Variants in EPCAM observed in about 807,000 individuals in gnomAD.
The protein encoded by EPCAM is epithelial cell adhesion molecule, also known as adenocarcinoma-associated antigen.
In EPCAM, 39 loss-of-function variants were observed where a neutral mutation model predicts 40.0. The ratio of observed to expected loss-of-function variants is 0.98; its 90% CI spans 0.76 to 1.27. EPCAM has a LOEUF of 1.27. Ranked by LOEUF, EPCAM falls within the 50% of genes most tolerant of loss-of-function variation. The pLI is 0.00. For missense variants in EPCAM, 503 were observed against 381.2 expected (o/e 1.32, Z -2.66); for synonymous variants, 168 against 132.3 (o/e 1.27, Z -1.85).
chr2:47,373,205 T>TAAAAAAAAAA (rs777057814), intron 1 of EPCAM, among the ~76,000 whole-genome samples: 2 of 65,048 alleles, frequency 3.1e-5, no homozygotes, highest in Admixed American at 2.0e-4. Context: ...ACCCTATCTT[T>TAAAAAAAAAA]AAAAAAAAAA....
intron 6 of EPCAM, among the ~76,000 whole-genome samples, chr2:47,379,419 T>C (rs1277566474): frequency 2.0e-5 from 3 of 152,134 alleles, no homozygotes; most frequent in African/African-American, 7.2e-5. Context: ...CTTTAATATA[T>C]TATAGTGAGG....
chr2:47,369,762 G>C (rs1469354248), intron 1 of EPCAM, 181 bp downstream of exon 1: 1 of 731,388 alleles, frequency 1.4e-6, no homozygotes, highest in Admixed American at 2.0e-5. Context: ...AGGAAACGGC[G>C]AGGGCCGTCC....
At chr2:47,378,091 T>A (rs948467013) in intron 5 of EPCAM, among the ~76,000 whole-genome samples, 1 of 151,916 alleles carries the variant, frequency 6.6e-6, no homozygotes, top group East Asian at 2.0e-4. Flanking sequence ...AATAGCCGAA[T>A]GTGGTGGTGG....
chr2:47,381,176 C>T (rs1411224370), intron 7 of EPCAM, among the ~76,000 whole-genome samples: 7 of 148,788 alleles, frequency 4.7e-5, no homozygotes, highest in African/African-American at 1.7e-4. Flanking sequence ...GCGGGTGGAT[C>T]ACCCGAGGTC....
chr2:47,385,259 T>A lies in EPCAM; in HGVS notation c.903+49T>A. The A allele has an allele frequency of 1.2e-5, 17 of 1,411,250 alleles. 1 individual carries two copies. The highest frequency in any genetic ancestry group is 1.4e-5 in the Non-Finnish European group (14 of 995,872). The allele number at this position is 1,411,250 out of a possible 1,614,324, so 87.4% of individuals were successfully genotyped here. A position where few individuals can be genotyped will look rare whatever the true frequency, so the allele number is the denominator to read the frequency against. ...AGAAAGGCCCTGTTGAATCTCTTAC[T>A]CCTAATCACTCTACCTTCCTACACA... On this transcript the variant is annotated intron_variant, in intron 8 of 8. Transcript: ENST00000263735.
chr2:47,376,901 T>A (rs1010050937), intron 4 of EPCAM, 113 bp from the exon 5 acceptor site: 1 of 704,670 alleles, frequency 1.4e-6, no homozygotes. Context: ...GGCAGAAAAA[T>A]TTTAACTTTA....
intron 7 of EPCAM, among the ~76,000 whole-genome samples, chr2:47,380,914 C>A (rs1305163675): frequency 1.3e-5 from 2 of 150,786 alleles, no homozygotes; most frequent in South Asian, 2.1e-4. Context: ...CATGGTGAAA[C>A]CCTGTCTCTA....
At chr2:47,375,162 G>T (rs2103749770) in intron 3 of EPCAM, 72 bp from the exon 4 acceptor site, 2 of 1,146,890 alleles carry the variant, frequency 1.7e-6, no homozygotes. Context: ...GAGAATTTTA[G>T]GATTAGCTTA....
At chr2:47,383,916 C>T (rs1187567444) in intron 7 of EPCAM, among the ~76,000 whole-genome samples, 1 of 151,800 alleles carries the variant, frequency 6.6e-6, no homozygotes. Context: ...TGATTATAGG[C>T]GTGAACCACC....
Position 47,373,795 on chromosome 2 carries a change from G to A in EPCAM, c.185-13G>A, listed in dbSNP as rs2103746878. ...AGTTATTTTTCAGTTTGGCATTAAG[G>A]TTTCTTTTTCAGTGGCTGCCAAATG... On this transcript the variant is annotated splice_polypyrimidine_tract_variant and intron_variant, in intron 2 of 8. Transcript: ENST00000263735. The A allele has an allele frequency of 1.9e-6, 3 of 1,613,990 alleles. No individual in the cohort carries two copies. The highest frequency in any genetic ancestry group is 2.5e-6 in the Non-Finnish European group (3 of 1,179,982).
chr2:47,385,402 A>G (rs1392740381), intron 8 of EPCAM, among the ~76,000 whole-genome samples, 192 bp downstream of exon 8: 3 of 152,190 alleles, frequency 2.0e-5, no homozygotes, highest in Non-Finnish European at 4.4e-5. Flanking sequence ...GCAGATCACC[A>G]TCTGTTTTCT....
At chr2:47,377,810 C>G (rs548954367) in intron 5 of EPCAM, 3 of 456,702 alleles carry the variant, frequency 6.6e-6, no homozygotes, top group South Asian at 4.9e-5. Context: ...ACTAGTTAGC[C>G]CTTACTTAAC....
At chr2:47,385,248 G>A (rs2103768744) in intron 8 of EPCAM, 38 bp downstream of exon 8, 1 of 1,528,942 alleles carries the variant, frequency 6.5e-7, no homozygotes, top group South Asian at 1.1e-5. Context: ...AGGCCCTGTT[G>A]AATCTCTTAC....
chr2:47,374,633 T>C (rs970171887), intron 3 of EPCAM, among the ~76,000 whole-genome samples: 3 of 152,114 alleles, frequency 2.0e-5, no homozygotes, highest in Admixed American at 6.6e-5. Context: ...TTGTTTTTTC[T>C]TTTTTCTTTT....
chr2:47,369,528 C>T lies in EPCAM; in HGVS notation c.23C>T (p.Ala8Val), dbSNP rs1274512381. The T allele has an allele frequency of 1.9e-6, 3 of 1,574,758 alleles. No individual in the cohort carries two copies. In the African/African-American group the frequency reaches 4.1e-5, roughly 21 times the overall value. ...AGCATGGCGCCCCCGCAGGTCCTCG[C>T]GTTCGGGCTTCTGCTTGCCGCGGCG... MAPPQVL[A>V]FGLLLAAATA... is the part of the protein sequence containing the mutation. The change falls in exon 1 of 9, where the codon GCG becomes GTG. Residue 8 changes from alanine (A) to valine (V), a missense_variant. Coordinates refer to ENST00000263735, the MANE Select transcript of EPCAM (RefSeq NM_002354.3).
At chr2:47,377,828 ACT>A in intron 5 of EPCAM, 1 of 437,490 alleles carries the variant, frequency 2.3e-6, no homozygotes, top group South Asian at 1.7e-5. Context: ...AACTCTTTAA[ACT>A]CTGGTTTAAA....
intron 5 of EPCAM, chr2:47,377,830 T>G (rs1323770072): frequency 2.3e-6 from 1 of 437,232 alleles, no homozygotes; most frequent in Non-Finnish European, 4.6e-6. Context: ...CTCTTTAAAC[T>G]CTGGTTTAAA....
intron 1 of EPCAM, among the ~76,000 whole-genome samples, chr2:47,370,634 A>T (rs1290899567): frequency 6.6e-6 from 1 of 151,762 alleles, no homozygotes; most frequent in East Asian, 1.9e-4. Flanking sequence ...GTGCAATGGC[A>T]AGATCTTGAC....
chr2:47,385,105 G>A, intron 7 of EPCAM, 61 bp from the exon 8 acceptor site: 1 of 1,256,368 alleles, frequency 8.0e-7, no homozygotes, highest in Non-Finnish European at 1.2e-6. Flanking sequence ...ATATATGTCT[G>A]TTTAGATAAT....
Sources: allele counts gnomAD v4.1 joint callset (sites outside exome capture counted in the v4.1 genomes callset), GRCh38; gene constraint gnomAD v4.1.1; transcripts MANE v1.5; gene names NCBI Gene and HGNC (gene_info 2026-07-23, HGNC 2026-07-21).